DMXL2: variants seen among roughly 807,000 people sequenced by gnomAD.
DMXL2 encodes dmX-like protein 2.
DMXL2 carries 103 observed loss-of-function variants against 331.1 expected under a neutral mutation model. That is an observed-to-expected ratio of 0.31 (90% CI 0.27 to 0.37). The LOEUF (loss-of-function observed/expected upper bound fraction) is 0.37. DMXL2 is among the 10% of genes least tolerant of loss of function. The pLI is 1.00. For missense variants in DMXL2, 3,171 were observed against 3,642.9 expected (o/e 0.87, Z 3.33); for synonymous variants, 1,281 against 1,252.1 (o/e 1.02, Z -0.49).
At chr15:51,573,696 G>A (rs2050822321) in intron 2 of DMXL2, among the ~76,000 whole-genome samples, 1 of 151,968 alleles carries the variant, frequency 6.6e-6, no homozygotes, top group African/African-American at 2.4e-5. Flanking sequence ...CTGTCAGGGG[G>A]TCGGGGGGCT....
In DMXL2 at chr15:51,500,025, T is replaced by C. The variant is rs375475910; in HGVS notation, c.3199A>G (p.Ile1067Val). 34 of 1,614,064 alleles carry C rather than the reference T, an allele frequency of 2.1e-5. No homozygotes were observed. Among genetic ancestry groups the C allele is most frequent in the South Asian group, 1.3e-4 (12 of 91,084 alleles). ...CTAACAGCAACTGGTCTTCCCACAA[T>C]GCTCACTGTACTGCTATTATCTTCT... ...EGEDNSSTVS[I>V]VGRPVAVSCS... The change falls in exon 18 of 44, where the codon ATT (isoleucine) becomes GTT (valine). Residue 1067 changes from isoleucine (I) to valine (V), a missense_variant. Physicochemically the swap from Ile to Val is conservative, Grantham distance 29. Coordinates refer to ENST00000560891, the MANE Select transcript of DMXL2 (RefSeq NM_001378457.1).
chr15:51,561,907 A>G (rs920970987), intron 6 of DMXL2, among the ~76,000 whole-genome samples: 1 of 152,212 alleles, frequency 6.6e-6, no homozygotes, highest in African/African-American at 2.4e-5. Context: ...AGAAGTCATT[A>G]TGTTACATGA....
intron 19 of DMXL2, among the ~76,000 whole-genome samples, chr15:51,494,688 T>C (rs1311967733): frequency 6.6e-6 from 1 of 152,124 alleles, no homozygotes; most frequent in Non-Finnish European, 1.5e-5. Context: ...GAGCAAAGTT[T>C]ACATAATTTT....
chr15:51,613,898 C>T (rs1290253585), intron 1 of DMXL2, among the ~76,000 whole-genome samples: 1 of 152,182 alleles, frequency 6.6e-6, no homozygotes, highest in Non-Finnish European at 1.5e-5. Context: ...AGGGTGGCCA[C>T]CTCAATCATG....
intron 26 of DMXL2, 110 bp downstream of exon 26, chr15:51,478,161 C>T (rs2041733675): frequency 1.4e-6 from 1 of 722,384 alleles, no homozygotes; most frequent in East Asian, 2.9e-5. Context: ...AATATCATGG[C>T]TGTCATATTT....
chr15:51,576,263 G>T, intron 1 of DMXL2, 82 bp from the exon 2 acceptor site: 1 of 1,042,432 alleles, frequency 9.6e-7, no homozygotes, highest in Non-Finnish European at 1.3e-6. Flanking sequence ...TTTTATCTTA[G>T]ATTTTATTGC....
intron 1 of DMXL2, chr15:51,603,742 C>A (rs1184011396): frequency 1.3e-5 from 2 of 152,020 alleles, no homozygotes; most frequent in African/African-American, 4.8e-5. Flanking sequence ...GTGGCAGGCA[C>A]CAGTAGTCCC....
chr15:51,569,602 C>G (rs569872591), intron 2 of DMXL2, among the ~76,000 whole-genome samples: 1 of 152,252 alleles, frequency 6.6e-6, no homozygotes, highest in South Asian at 2.1e-4. Context: ...CTGGCGGGTG[C>G]CCTTCTGGGA....
intron 1 of DMXL2, among the ~76,000 whole-genome samples, chr15:51,577,205 C>A (rs1376522879): frequency 1.3e-5 from 2 of 152,142 alleles, no homozygotes; most frequent in East Asian, 1.9e-4. Flanking sequence ...TTTCCACACC[C>A]TTAAGCAGTG....
At chr15:51,563,049 C>CA (rs2050066204) in intron 6 of DMXL2, among the ~76,000 whole-genome samples, 1 of 152,158 alleles carries the variant, frequency 6.6e-6, no homozygotes, top group Admixed American at 6.5e-5. Context: ...AATAATGAGG[C>CA]AAGCAGTACA....
In DMXL2 at chr15:51,507,147, T is replaced by C; in HGVS notation, c.2751A>G (p.Val917=). Residue 917 remains valine (V), a synonymous_variant, in exon 16 of 44, where the codon GTA becomes GTG. Coordinates refer to ENST00000560891, the MANE Select transcript of DMXL2 (RefSeq NM_001378457.1). ...ATAATTACTTACCTAAACATGCTTGTACAGATTTAAGATGAAGGTGCCACA... is the reference window on the plus strand; with the variant it reads ...ATAATTACTTACCTAAACATGCTTGCACAGATTTAAGATGAAGGTGCCACA... ...LHMWHLHLKS[V]QACLAKASEG... The C allele has an allele frequency of 2.5e-6, 4 of 1,605,476 alleles. No individual in the cohort carries two copies. Among genetic ancestry groups the C allele is most frequent in the Non-Finnish European group, 3.4e-6 (4 of 1,175,012 alleles).
rs1237350649 is a variant in DMXL2 at position 51,484,109 on chromosome 15, C to G, written c.5482+1964G>C. Among the ~76,000 whole-genome samples the G allele has an allele frequency of 2.0e-5, 3 of 152,020 alleles. No homozygotes were observed. In the East Asian group the frequency reaches 5.8e-4, roughly 29 times the overall value. The stretch of plus-strand genomic sequence containing the variant: ...CAGAAACACCCCCAGGCCAGCTGAG[C>G]AGCCATGCAATCGTGTCATGGGCCT... On this transcript the variant is annotated intron_variant, in intron 23 of 43. Coordinates refer to ENST00000560891, the MANE Select transcript of DMXL2 (RefSeq NM_001378457.1).
chr15:51,473,285 C>A (rs1050798603), intron 28 of DMXL2, among the ~76,000 whole-genome samples: 45 of 152,034 alleles, frequency 3.0e-4, no homozygotes, highest in Middle Eastern at 3.2e-3. Context: ...TTGTTAATTG[C>A]CTGATAGGTG....
chr15:51,606,739 C>G (rs1887173438), intron 1 of DMXL2, among the ~76,000 whole-genome samples: 1 of 152,142 alleles, frequency 6.6e-6, no homozygotes, highest in Admixed American at 6.5e-5. Context: ...CATGAAAGAA[C>G]CAGTGTAACA....
At chr15:51,455,119 T>C (rs771009240) in intron 40 of DMXL2, 32 bp downstream of exon 40, 4 of 1,538,074 alleles carry the variant, frequency 2.6e-6, no homozygotes, top group Non-Finnish European at 3.6e-6. Context: ...GTGTTGTGTA[T>C]ATGCGCCCTG....
chr15:51,455,801 G>C (rs2039569023), intron 39 of DMXL2, among the ~76,000 whole-genome samples: 1 of 152,098 alleles, frequency 6.6e-6, no homozygotes, highest in African/African-American at 2.4e-5. Context: ...GTGCTTACAG[G>C]AATCACCAAC....
intron 1 of DMXL2, among the ~76,000 whole-genome samples, chr15:51,585,527 C>G (rs1040309190): frequency 2.3e-4 from 35 of 152,064 alleles, no homozygotes; most frequent in African/African-American, 7.7e-4. Flanking sequence ...CTTCGATGAA[C>G]ATGTATGTAT....
intron 20 of DMXL2, among the ~76,000 whole-genome samples, chr15:51,490,815 GTTC>G (rs10586137): frequency 0.012 from 1,763 of 152,270 alleles, 27 homozygotes; most frequent in East Asian, 0.026. Flanking sequence ...CCACAGATAT[GTTC>G]TTCAAGTACA....
chr15:51,458,607 AACAATTTCATT>A lies in DMXL2; in HGVS notation c.8086_8096del (p.Asn2696PhefsTer6). 6.2e-7 allele frequency: 1 copy of A among 1,614,002 alleles called. No homozygotes were observed. Among genetic ancestry groups the A allele is most frequent in the Non-Finnish European group, 8.5e-7 (1 of 1,179,892 alleles). ...CTTGAACATCATGTGTTGAAGCCAA[AACAATTTCATT>A]ACAATTTGCCTATAAAGCAAAGGCA... On this transcript the variant is annotated frameshift_variant, in exon 36 of 44. Transcript: ENST00000560891. LOFTEE classifies it high-confidence loss of function.
Sources: gnomAD v4.1 joint callset for allele counts (sites outside exome capture counted in the v4.1 genomes callset) on GRCh38, gnomAD v4.1.1 for gene constraint, MANE v1.5 for transcripts, NCBI Gene and HGNC (gene_info 2026-07-23, HGNC 2026-07-21) for gene names.